Variants in RP1 observed in about 807,000 individuals in gnomAD.
The protein encoded by RP1 is oxygen-regulated protein 1.
In RP1, 16 loss-of-function variants were observed where a neutral mutation model predicts 14.8. The ratio of observed to expected loss-of-function variants is 1.08; its 90% CI spans 0.73 to 1.65. RP1 has a LOEUF of 1.65. RP1 is among the 40% of genes most tolerant of loss of function. RP1 has a pLI of 0.00. For missense variants in RP1, 2,631 were observed against 2,535.0 expected (o/e 1.04, Z -0.81); for synonymous variants, 876 against 883.6 (o/e 0.99, Z 0.15).
chr8:54,704,941 G>A (rs2129344645), intron 14 of RP1, among the ~76,000 whole-genome samples: 2 of 152,000 alleles, frequency 1.3e-5, no homozygotes, highest in Middle Eastern at 3.4e-3. Context: ...TTTGACATAT[G>A]CCTTTGACCA....
chr8:54,806,250 C>T (rs270808), intron 24 of RP1, among the ~76,000 whole-genome samples: 175 of 152,200 alleles, frequency 1.1e-3, no homozygotes, highest in Non-Finnish European at 2.0e-3. Context: ...AACTCCTGAC[C>T]TCGTGATCCA....
At chr8:54,706,526 T>G (rs1585623552) in exon 15 of RP1, 1 of 1,535,936 alleles carries the variant, frequency 6.5e-7, no homozygotes, top group Non-Finnish European at 8.7e-7. Context: ...GAAGCTGCAC[T>G]GGAGTGGGAA....
intron 17 of RP1, chr8:54,734,476 A>C: frequency 1.4e-6 from 2 of 1,401,432 alleles, no homozygotes; most frequent in Non-Finnish European, 1.9e-6. Context: ...CTTTGGCTCC[A>C]GTGTGACAAA....
chr8:54,612,471 A>G (rs4327841), upstream of RP1, among the ~76,000 whole-genome samples: 47,700 of 152,192 alleles, frequency 0.31, 9,074 homozygotes, highest in Middle Eastern at 0.48. Flanking sequence ...GCAAGCATTC[A>G]GATATACTTC....
At chr8:54,560,448 G>A (rs1804260591) in intron 1 of RP1, 1 of 152,112 alleles carries the variant, frequency 6.6e-6, no homozygotes, top group Non-Finnish European at 1.5e-5. Context: ...CGGATGTGGA[G>A]GCAGGCCCTA....
rs1585536249 is a variant in RP1, at chr8:54,596,076, G to A, written c.-12-24879G>A. ...ATTTAGTGTTGCTTAGAAAATTCTTGGGATATATAGAATGCTATTTTATTT... is the reference window on the plus strand; with the variant it reads ...ATTTAGTGTTGCTTAGAAAATTCTTAGGATATATAGAATGCTATTTTATTT... On this transcript the variant is annotated intron_variant, in intron 1 of 22. Coordinates refer to the RP1 transcript ENST00000636932. 2.0e-5 allele frequency among the ~76,000 whole-genome samples: 3 copies of A among 152,236 alleles called. No homozygotes were observed. The East Asian group carries it at 5.8e-4, about 29-fold the overall frequency.
intron 12 of RP1, among the ~76,000 whole-genome samples, chr8:54,691,446 A>T (rs1807705870): frequency 6.6e-6 from 1 of 152,062 alleles, no homozygotes; most frequent in Non-Finnish European, 1.5e-5. Flanking sequence ...ATGTGTGGAA[A>T]ATTATGAGTT....
At chr8:54,761,437 A>G (rs892323343) in intron 22 of RP1, among the ~76,000 whole-genome samples, 3 of 151,792 alleles carry the variant, frequency 2.0e-5, no homozygotes, top group East Asian at 3.9e-4. Context: ...GGGTTTCACC[A>G]TGTTGGCCAG....
chr8:54,806,766 AT>A (rs1436386450), intron 24 of RP1, among the ~76,000 whole-genome samples: 7 of 151,274 alleles, frequency 4.6e-5, no homozygotes, highest in Non-Finnish European at 8.8e-5. Context: ...TACAAAAAAA[AT>A]TCTTTGTTTT....
intron 23 of RP1, chr8:54,781,029 C>T (rs947052243): frequency 1.0e-6 from 1 of 984,304 alleles, no homozygotes; most frequent in African/African-American, 1.7e-5. Flanking sequence ...ATCCAAACTA[C>T]TTTAAAAGTA....
At chr8:54,568,488 T>C (rs1190622841) in intron 1 of RP1, among the ~76,000 whole-genome samples, 1 of 152,226 alleles carries the variant, frequency 6.6e-6, no homozygotes, top group Non-Finnish European at 1.5e-5. Context: ...GTTGAAGATA[T>C]TTTATCTTCC....
At chr8:54,672,826 G>T (rs947113387) in intron 7 of RP1, among the ~76,000 whole-genome samples, 2 of 151,964 alleles carry the variant, frequency 1.3e-5, no homozygotes, top group Non-Finnish European at 2.9e-5. Flanking sequence ...AGTTCTTAAC[G>T]AGTATGTCAG....
intron 28 of RP1, among the ~76,000 whole-genome samples, chr8:54,866,960 C>T (rs1812472328): frequency 6.6e-6 from 1 of 152,098 alleles, no homozygotes; most frequent in South Asian, 2.1e-4. Flanking sequence ...ATATTGCCTG[C>T]CTGCTAGGTG....
chr8:54,826,721 A>T (rs1811392683), intron 24 of RP1, among the ~76,000 whole-genome samples: 1 of 152,262 alleles, frequency 6.6e-6, no homozygotes, highest in African/African-American at 2.4e-5. Context: ...AAATATTTAC[A>T]AAAAAGACCA....
chr8:54,801,756 T>C (rs530487689), intron 24 of RP1, among the ~76,000 whole-genome samples: 1 of 152,280 alleles, frequency 6.6e-6, no homozygotes, highest in African/African-American at 2.4e-5. Flanking sequence ...GGTGCATTCT[T>C]TACTGGTGTA....
chr8:54,854,380 A>G (rs1812138690), intron 26 of RP1, among the ~76,000 whole-genome samples: 1 of 152,264 alleles, frequency 6.6e-6, no homozygotes, highest in Non-Finnish European at 1.5e-5. Context: ...GAAAGCACTG[A>G]AAAATTTCAA....
chr8:54,766,534 T>G (rs1277649065), intron 22 of RP1, among the ~76,000 whole-genome samples: 1 of 152,142 alleles, frequency 6.6e-6, no homozygotes, highest in African/African-American at 2.4e-5. Context: ...GGATGAGTCT[T>G]GTTCATTTTT....
At chr8:54,759,803 G>A (rs1252184967) in intron 22 of RP1, among the ~76,000 whole-genome samples, 3 of 152,164 alleles carry the variant, frequency 2.0e-5, no homozygotes, top group African/African-American at 7.2e-5. Context: ...ACAGGGAATA[G>A]GCTGAGCCCT....
intron 1 of RP1, among the ~76,000 whole-genome samples, chr8:54,589,175 C>T (rs1804992413): frequency 1.3e-5 from 2 of 152,180 alleles, no homozygotes; most frequent in South Asian, 4.1e-4. Context: ...TGTCCTCCAC[C>T]CCTTCTAACC....
Sources: allele counts gnomAD v4.1 joint callset (sites outside exome capture counted in the v4.1 genomes callset), GRCh38; gene constraint gnomAD v4.1.1; transcripts MANE v1.5; gene names NCBI Gene and HGNC (gene_info 2026-07-23, HGNC 2026-07-21).